The following CBFA2T3 variants were observed in gnomAD, a reference collection of about 807,000 sequenced individuals.
CBFA2T3 encodes CBFA2/RUNX1 partner transcriptional co-repressor 3.
Under a neutral mutation model 58.6 loss-of-function variants are expected in CBFA2T3, and 31 were observed. The observed-to-expected ratio is 0.53, with a 90% CI of 0.40 to 0.71. The LOEUF is 0.71. CBFA2T3 is among the 30% of genes least tolerant of loss of function. CBFA2T3 has a pLI of 0.00. For missense variants in CBFA2T3, 1,076 were observed against 963.1 expected (o/e 1.12, Z -1.55); for synonymous variants, 531 against 421.9 (o/e 1.26, Z -3.17).
intron 1 of CBFA2T3, among the ~76,000 whole-genome samples, chr16:88,921,749 C>A (rs913246345): frequency 6.6e-6 from 1 of 152,252 alleles, no homozygotes; most frequent in Non-Finnish European, 1.5e-5. Flanking sequence ...CGTACATCCG[C>A]GGTGCCGGGG....
intron 1 of CBFA2T3, among the ~76,000 whole-genome samples, chr16:88,918,456 G>C (rs372166808): frequency 1.6e-3 from 249 of 152,352 alleles, no homozygotes; most frequent in South Asian, 9.5e-3. Context: ...ACAGCCGTGG[G>C]GAGGCCTTCG....
intron 1 of CBFA2T3, among the ~76,000 whole-genome samples, chr16:88,902,153 TAA>T (rs1273593436): frequency 6.6e-6 from 1 of 152,218 alleles, no homozygotes; most frequent in Non-Finnish European, 1.5e-5. Context: ...GCCATGGTTC[TAA>T]GAGTCCCTTC....
chr16:88,952,328 G>A (rs922425678), intron 1 of CBFA2T3, among the ~76,000 whole-genome samples: 26 of 151,556 alleles, frequency 1.7e-4, no homozygotes, highest in African/African-American at 5.6e-4. Context: ...TCCTTCTCCC[G>A]TGGGGCACTG....
chr16:88,976,490 T>C (rs1407128220), intron 1 of CBFA2T3, among the ~76,000 whole-genome samples, 167 bp downstream of exon 1: 3 of 152,192 alleles, frequency 2.0e-5, no homozygotes, highest in Non-Finnish European at 4.4e-5. Context: ...GTGCAGGACC[T>C]GCCTGTGGGG....
At chr16:88,951,627 G>A (rs1222917504) in intron 1 of CBFA2T3, 8 of 360,402 alleles carry the variant, frequency 2.2e-5, no homozygotes, top group South Asian at 8.7e-5. Context: ...CTGCTGCCAC[G>A]GCCCCAGGGT....
rs1972264429 is a variant in CBFA2T3, at chr16:88,958,064, C to T, written c.151+18593G>A. On this transcript the variant is annotated intron_variant, in intron 1 of 11. Coordinates refer to ENST00000268679, the MANE Select transcript of CBFA2T3 (RefSeq NM_005187.6). This position sits in a 1 kb window ranked among gnomAD's most constrained non-coding sequence, Gnocchi z 4.0. Reference sequence around the variant, plus strand: ...AACGAAAGTACCTGTGAGCTGCTCACAATCCCTCGCTCACAGAGAGGCCAC... The same window carrying T: ...AACGAAAGTACCTGTGAGCTGCTCATAATCCCTCGCTCACAGAGAGGCCAC... Among the ~76,000 whole-genome samples the T allele has an allele frequency of 2.0e-5, 3 of 152,316 alleles. No individual in the cohort carries two copies. The highest frequency in any genetic ancestry group is 6.5e-5 in the Admixed American group (1 of 15,304).
In CBFA2T3 at chr16:88,950,528, C is replaced by T. The variant is rs746508977; in HGVS notation, c.151+26129G>A. Reference sequence around the variant, plus strand: ...GAGTGTTGGCACCTGTCTTCCGGGTCAGTTCACCCGTCCCCTGGACCGGCA... The same window carrying T: ...GAGTGTTGGCACCTGTCTTCCGGGTTAGTTCACCCGTCCCCTGGACCGGCA... On this transcript the variant is annotated intron_variant, in intron 1 of 11. Coordinates refer to ENST00000268679, the MANE Select transcript of CBFA2T3 (RefSeq NM_005187.6). 6.1e-4 allele frequency: 259 copies of T among 425,506 alleles called. 11 individuals carry two copies. The highest frequency in any genetic ancestry group is 9.7e-4 in the Non-Finnish European group (210 of 216,280). 26.4% of individuals were successfully genotyped at this position (425,506 alleles called of 1,614,324 possible). A position where few individuals can be genotyped will look rare whatever the true frequency, so the allele number is the denominator to read the frequency against.
chr16:88,912,771 G>A (rs1029095839), intron 1 of CBFA2T3, among the ~76,000 whole-genome samples: 3 of 152,226 alleles, frequency 2.0e-5, no homozygotes, highest in Admixed American at 6.5e-5. Context: ...CAGGTTCAAC[G>A]GGGCGGCTCG....
intron 1 of CBFA2T3, among the ~76,000 whole-genome samples, chr16:88,908,229 C>T (rs1970403278): frequency 6.6e-6 from 1 of 151,980 alleles, no homozygotes; most frequent in Admixed American, 6.6e-5. Context: ...ATAATCCCAG[C>T]TACTTAGGAG....
intron 1 of CBFA2T3, among the ~76,000 whole-genome samples, chr16:88,907,280 C>T (rs1597708577): frequency 6.6e-6 from 1 of 152,102 alleles, no homozygotes; most frequent in South Asian, 2.1e-4. Context: ...CCTGGGGCAC[C>T]TGCTGTCCCC....
At chr16:88,892,051 G>C in intron 4 of CBFA2T3, 80 bp from the exon 5 acceptor site, 1 of 1,408,384 alleles carries the variant, frequency 7.1e-7, no homozygotes, top group South Asian at 1.2e-5. Flanking sequence ...CTGAGGAGGA[G>C]GCTTCCGTGT....
chr16:88,898,911 G>A lies in CBFA2T3; in HGVS notation c.305-759C>T, dbSNP rs185576552. 3.9e-3 allele frequency among the ~76,000 whole-genome samples: 596 copies of A among 152,342 alleles called. 2 individuals are homozygous for A. The highest frequency in any genetic ancestry group is 5.6e-3 in the Non-Finnish European group (380 of 68,030). On this transcript the variant is annotated intron_variant, in intron 2 of 11. Coordinates refer to ENST00000268679, the MANE Select transcript of CBFA2T3 (RefSeq NM_005187.6). ...ATTTGTTCGAGCTGAAGTCAGTGGC[G>A]CAGGCCACAGGAAGACAGGCTCTAG...
intron 1 of CBFA2T3, among the ~76,000 whole-genome samples, chr16:88,963,472 G>A (rs1000611333): frequency 1.3e-5 from 2 of 152,058 alleles, no homozygotes; most frequent in South Asian, 2.1e-4. Context: ...TGCAACCAGC[G>A]CCTCCACCTA....
Position 88,885,656 on chromosome 16 carries a change from G to T in CBFA2T3, c.893+305C>A, listed in dbSNP as rs112096079. The T allele has an allele frequency of 6.9e-6, 3 of 437,424 alleles. No individual in the cohort carries two copies. Among genetic ancestry groups the T allele is most frequent in the Non-Finnish European group, 1.2e-5 (3 of 243,972 alleles). The allele number at this position is 437,424 out of a possible 1,614,324, so 27.1% of individuals were successfully genotyped here. ...GAGGGGGCCCAGCCCAGGCACCTGG[G>T]GACCATGGACCCCGGACGCTCGGAG... On this transcript the variant is annotated intron_variant, in intron 6 of 11. Transcript: ENST00000268679. The surrounding 1 kb of genome is among the most constrained non-coding windows in gnomAD (Gnocchi z 5.3).
At position 88,933,748 on chromosome 16, in the gene CBFA2T3, TACGCCTCAC is replaced by T. The variant is rs879772054; in HGVS notation, c.152-32101_152-32093del. Among the ~76,000 whole-genome samples the T allele has an allele frequency of 6.9e-3, 993 of 144,386 alleles. 13 individuals carry two copies. Among genetic ancestry groups the T allele is most frequent in the Non-Finnish European group, 0.011 (713 of 64,514 alleles). 94.7% of individuals were successfully genotyped at this position (144,386 alleles called of 152,430 possible). On this transcript the variant is annotated intron_variant, in intron 1 of 11. Transcript: ENST00000268679. ...CCTCTGCACACGTCACGTGCCTCTA[TACGCCTCAC>T]ACGCCTCACAGTGCCACACGTCTGC...
intron 10 of CBFA2T3, chr16:88,879,784 C>T (rs543581616): frequency 3.2e-6 from 1 of 308,764 alleles, no homozygotes; most frequent in African/African-American, 2.1e-5. Flanking sequence ...CAGCGGCTCC[C>T]CAGGCACTGC....
rs1353734954 is a variant in CBFA2T3 at position 88,885,968 on chromosome 16, G to A, written c.886C>T (p.Pro296Ser). Residue 296 changes from proline (P) to serine (S), a missense_variant, in exon 6 of 12, where the codon CCC (proline) becomes TCC (serine). Coordinates refer to ENST00000268679, the MANE Select transcript of CBFA2T3 (RefSeq NM_005187.6). This position sits in a 1 kb window ranked among gnomAD's most constrained non-coding sequence, Gnocchi z 5.3. ...EVNENGKRRT[P>S]DRTKENGSDR... ...CCCGGAGCCCACAGGTACCTGTCGG[G>A]CGTCCTCCTCTTGCCGTTCTCGTTG... The A allele has an allele frequency of 5.2e-6, 8 of 1,548,966 alleles. No homozygotes were observed. The Admixed American group carries it at 1.4e-4, about 27-fold the overall frequency.
In CBFA2T3 at chr16:88,892,434, G is replaced by A. The variant is rs1217733691; in HGVS notation, c.431C>T (p.Thr144Ile). The A allele has an allele frequency of 4.3e-6, 7 of 1,613,504 alleles. No individual in the cohort carries two copies. The Admixed American group carries it at 8.3e-5, about 19-fold the overall frequency. ...SPTAINGAPC[T>I]PNGFSNGPAT... ...CGGGCCATTGCTGAAGCCGTTGGGT[G>A]TGCACGGTGCACCATTGATGGCTGT... Residue 144 changes from threonine (T) to isoleucine (I), a missense_variant, in exon 4 of 12, where the codon ACA becomes ATA. Thr to Ile is a moderately conservative substitution (Grantham distance 89). Transcript: ENST00000268679.
Position 88,876,989 on chromosome 16 carries a change from G to C in CBFA2T3, c.1949C>G (p.Thr650Ser), listed in dbSNP as rs1968856758. The C allele has an allele frequency of 1.4e-6, 2 of 1,453,754 alleles. No homozygotes were observed. Among genetic ancestry groups the C allele is most frequent in the Non-Finnish European group, 1.8e-6 (2 of 1,108,832 alleles). The allele number at this position is 1,453,754 out of a possible 1,614,324, so 90.1% of individuals were successfully genotyped here. Reference sequence around the variant, plus strand: ...GGGCCAGTGGGGTCAGCGGGGCACGGTGTCCAGTGGGCCAGGTGGGCTGGG... The same window carrying C: ...GGGCCAGTGGGGTCAGCGGGGCACGCTGTCCAGTGGGCCAGGTGGGCTGGG... ...GSPSPPGPLDTVPR is the reference protein window; with the variant it reads ...GSPSPPGPLDSVPR Residue 650 changes from threonine to serine, a missense_variant, in exon 12 of 12, where the codon ACC becomes AGC. Transcript: ENST00000268679.
Sources: allele counts gnomAD v4.1 joint callset (sites outside exome capture counted in the v4.1 genomes callset), GRCh38; gene constraint gnomAD v4.1.1; non-coding constraint Gnocchi (gnomAD v3.1); transcripts MANE v1.5; gene names NCBI Gene and HGNC (gene_info 2026-07-23, HGNC 2026-07-21).